The following FAM90A20 variants were observed in gnomAD, a reference collection of about 807,000 sequenced individuals.
FAM90A20 encodes protein FAM90A20.
the FAM90A20 span, among the ~76,000 whole-genome samples, chr8:7,296,654 G>C: frequency 1.5e-5 from 2 of 135,050 alleles, no homozygotes; most frequent in Non-Finnish European, 3.0e-5. Flanking sequence ...GAGGAAATTA[G>C]TCCCTCAGAG....
At chr8:7,297,782 A>G in the FAM90A20 span, 873 of 1,389,136 alleles carry the variant, frequency 6.3e-4, 42 homozygotes, top group Middle Eastern at 1.2e-3. Flanking sequence ...CCCAGCGGCC[A>G]GCCATGATGG....
chr8:7,296,616 C>A, the FAM90A20 span, among the ~76,000 whole-genome samples: 1 of 135,446 alleles, frequency 7.4e-6, no homozygotes, highest in Non-Finnish European at 1.5e-5. Context: ...TTATGGCAAG[C>A]CTGCCAACAA....
At chr8:7,297,850 C>T in the FAM90A20 span, 84 of 885,160 alleles carry the variant, frequency 9.5e-5, 6 homozygotes, top group Non-Finnish European at 1.4e-4. Flanking sequence ...GGAGCTCCAG[C>T]CTCCTGGCGG....
At chr8:7,297,117 C>G in the FAM90A20 span, 4 of 1,505,424 alleles carry the variant, frequency 2.7e-6, no homozygotes, top group South Asian at 2.3e-5. Context: ...CGCATGGACC[C>G]TGTCCTCTCT....
chr8:7,297,824 C>T, the FAM90A20 span: 2 of 1,094,224 alleles, frequency 1.8e-6, no homozygotes, highest in East Asian at 2.3e-5. Flanking sequence ...CTTCCGGAGA[C>T]TGGAAAACGG....
At chr8:7,296,691 C>G in the FAM90A20 span, among the ~76,000 whole-genome samples, 1 of 135,606 alleles carries the variant, frequency 7.4e-6, no homozygotes, top group East Asian at 2.0e-4. Context: ...AGGCTAAACC[C>G]AGGAACATGC....
the FAM90A20 span, chr8:7,297,105 C>T: frequency 0.041 from 62,076 of 1,501,824 alleles, 8,632 homozygotes; most frequent in African/African-American, 0.21. Flanking sequence ...TGTAAGAGGC[C>T]GCGCATGGAC....
chr8:7,297,690 C>A, the FAM90A20 span: 5 of 1,406,896 alleles, frequency 3.6e-6, no homozygotes, highest in Non-Finnish European at 4.9e-6. Context: ...AGGACACCGG[C>A]CCAGGTGCCC....
the FAM90A20 span, chr8:7,296,300 C>A: frequency 4.5e-5 from 33 of 736,984 alleles, 5 homozygotes; most frequent in Non-Finnish European, 7.6e-5. Context: ...CAACAAGACC[C>A]GCAGAGGAAG....
chr8:7,296,450 G>T, the FAM90A20 span: 6 of 707,052 alleles, frequency 8.5e-6, no homozygotes, highest in Non-Finnish European at 1.3e-5. Context: ...AACCCTGGTT[G>T]ATTTCCTTTC....
At chr8:7,295,847 G>A in the FAM90A20 span, 26 of 721,480 alleles carry the variant, frequency 3.6e-5, 3 homozygotes, top group Admixed American at 1.3e-4. Flanking sequence ...AGTGGGAGGG[G>A]TTTTCACCAC....
At chr8:7,295,837 A>T in the FAM90A20 span, 113 of 775,340 alleles carry the variant, frequency 1.5e-4, 8 homozygotes, top group African/African-American at 2.9e-5. Context: ...CAAGGTGAGC[A>T]GTGGGAGGGG....
the FAM90A20 span, among the ~76,000 whole-genome samples, chr8:7,296,556 G>T: frequency 3.7e-5 from 5 of 135,452 alleles, 2 homozygotes; most frequent in African/African-American, 1.8e-4. Flanking sequence ...TTGATTCCAG[G>T]CGAAGTCATC....
At chr8:7,297,321 G>A in the FAM90A20 span, 5 of 1,362,038 alleles carry the variant, frequency 3.7e-6, no homozygotes, top group South Asian at 4.6e-5. Context: ...CCGACACACA[G>A]CAGCCCTGAG....
chr8:7,298,016 C>A, the FAM90A20 span: 5 of 671,972 alleles, frequency 7.4e-6, 1 homozygote, highest in Admixed American at 6.9e-5. Flanking sequence ...CGATTCTGAC[C>A]TGGAGTGAGA....
At chr8:7,296,552 C>A in the FAM90A20 span, among the ~76,000 whole-genome samples, 3 of 135,602 alleles carry the variant, frequency 2.2e-5, 1 homozygote, top group East Asian at 6.1e-4. Context: ...CAGTTTGATT[C>A]CAGGCGAAGT....
chr8:7,295,822 G>A, the FAM90A20 span: 1 of 951,888 alleles, frequency 1.1e-6, no homozygotes, highest in East Asian at 2.5e-5. Flanking sequence ...AGAAGGAAGA[G>A]AGACCAAGGT....
chr8:7,296,310 G>A, the FAM90A20 span: 313 of 739,602 alleles, frequency 4.2e-4, 33 homozygotes, highest in Middle Eastern at 1.1e-3. Flanking sequence ...CGCAGAGGAA[G>A]GCTCTCCTCC....
At chr8:7,297,385 G>T in the FAM90A20 span, 55 of 1,516,074 alleles carry the variant, frequency 3.6e-5, 3 homozygotes, top group Non-Finnish European at 4.7e-5. Flanking sequence ...GCCTGCTCCA[G>T]GCCGTCAGAA....
Sources: gnomAD v4.1 joint callset for allele counts (sites outside exome capture counted in the v4.1 genomes callset) on GRCh38, gnomAD v4.1.1 for gene constraint, MANE v1.5 for transcripts, NCBI Gene and HGNC (gene_info 2026-07-23, HGNC 2026-07-21) for gene names.